SNTG2: variants seen among roughly 807,000 people sequenced by gnomAD.
SNTG2 encodes gamma-2-syntrophin.
A neutral mutation model predicts 70.9 loss-of-function variants in SNTG2; 74 were observed. The ratio of observed to expected loss-of-function variants is 1.04; its 90% CI spans 0.86 to 1.27. The LOEUF is 1.27. Among genes scored for constraint, SNTG2 ranks in the 50% most tolerant of loss-of-function variants. SNTG2 has a pLI of 0.00. For missense variants in SNTG2, 717 were observed against 690.7 expected (o/e 1.04, Z -0.43); for synonymous variants, 278 against 273.8 (o/e 1.02, Z -0.15).
intron 16 of SNTG2, among the ~76,000 whole-genome samples, chr2:1,360,651 CA>C (rs5828813): frequency 4.6e-5 from 7 of 151,044 alleles, no homozygotes; most frequent in South Asian, 4.2e-4. Flanking sequence ...CACAAACAAA[CA>C]AAAAAAAAGT....
chr2:999,313 A>T (rs1349062953), intron 1 of SNTG2, among the ~76,000 whole-genome samples: 1 of 152,116 alleles, frequency 6.6e-6, no homozygotes, highest in Non-Finnish European at 1.5e-5. Flanking sequence ...ACATAAATGG[A>T]TGACATGTTT....
chr2:1,271,199 T>C (rs1348558927), intron 14 of SNTG2, among the ~76,000 whole-genome samples: 1 of 152,136 alleles, frequency 6.6e-6, no homozygotes, highest in Non-Finnish European at 1.5e-5. Flanking sequence ...TAACAGACCT[T>C]CCATGTTCCA....
At chr2:972,196 A>G (rs767091422) in intron 1 of SNTG2, among the ~76,000 whole-genome samples, 1 of 152,096 alleles carries the variant, frequency 6.6e-6, no homozygotes, top group African/African-American at 2.4e-5. Flanking sequence ...ATGTCTCTCT[A>G]GTTTTTGGCC....
chr2:1,229,422 G>A lies in SNTG2; in HGVS notation c.720-8466G>A, dbSNP rs143889322. ...AGCTAGATACAGGGTGCTGATTGGC[G>A]TGTTTACAAACCTTGAGCTAGATAC... On this transcript the variant is annotated intron_variant, in intron 9 of 16. Coordinates refer to ENST00000308624, the MANE Select transcript of SNTG2 (RefSeq NM_018968.4). 4.5e-3 allele frequency among the ~76,000 whole-genome samples: 688 copies of A among 152,288 alleles called. 6 individuals carry two copies. Among genetic ancestry groups the A allele is most frequent in the African/African-American group, 0.016 (655 of 41,566 alleles).
rs193239662 is a variant in SNTG2, at chr2:1,007,837, G to C, written c.72+56769G>C. Reference sequence around the variant, plus strand: ...CACCCAGGCTGGAGTGCAGTGGTGCGATCTCGGCTCACTGCAACCTCCACC... The same window carrying C: ...CACCCAGGCTGGAGTGCAGTGGTGCCATCTCGGCTCACTGCAACCTCCACC... On this transcript the variant is annotated intron_variant, in intron 1 of 16. Coordinates refer to ENST00000308624, the MANE Select transcript of SNTG2 (RefSeq NM_018968.4). Among the ~76,000 whole-genome samples the C allele has an allele frequency of 2.9e-4, 44 of 152,230 alleles. No individual in the cohort carries two copies. The South Asian group carries it at 5.6e-3, about 19-fold the overall frequency.
chr2:1,328,899 G>GCA (rs888165744), intron 16 of SNTG2, among the ~76,000 whole-genome samples: 2 of 128,050 alleles, frequency 1.6e-5, no homozygotes, highest in East Asian at 4.4e-4. Flanking sequence ...ACACATGCAT[G>GCA]CACACACACA....
chr2:1,005,861 AT>A (rs1659554644), intron 1 of SNTG2, among the ~76,000 whole-genome samples: 2 of 24,452 alleles, frequency 8.2e-5, no homozygotes, highest in Non-Finnish European at 1.7e-4. Context: ...ATATATATAT[AT>A]ATATATATAT....
At chr2:1,308,251 A>T (rs1680801669) in intron 14 of SNTG2, among the ~76,000 whole-genome samples, 1 of 152,102 alleles carries the variant, frequency 6.6e-6, no homozygotes, top group South Asian at 2.1e-4. Flanking sequence ...CAATGCCTGT[A>T]AACACTCCCC....
intron 16 of SNTG2, among the ~76,000 whole-genome samples, chr2:1,352,781 G>A (rs1660652968): frequency 6.6e-6 from 1 of 152,108 alleles, no homozygotes; most frequent in Non-Finnish European, 1.5e-5. Flanking sequence ...TTAAATCTCT[G>A]TTTTCTCATT....
At chr2:995,834 A>C (rs1017568939) in intron 1 of SNTG2, among the ~76,000 whole-genome samples, 1 of 152,142 alleles carries the variant, frequency 6.6e-6, no homozygotes, top group Non-Finnish European at 1.5e-5. Context: ...TCCTCTCTAC[A>C]AAGAGCAGCA....
intron 16 of SNTG2, among the ~76,000 whole-genome samples, chr2:1,337,406 T>G (rs527283308): frequency 6.6e-6 from 1 of 152,326 alleles, no homozygotes; most frequent in East Asian, 1.9e-4. Flanking sequence ...AAATGTTATC[T>G]CACTGGAGTT....
At position 1,267,580 on chromosome 2, in the gene SNTG2, A is replaced by G. The variant is rs781014921; in HGVS notation, c.1284+9A>G. Reference sequence around the variant, plus strand: ...AAGTTCAGAGAACCGGGGTAAGTGAACAACTCACACTCTTCTCACCTACAC... The same window carrying G: ...AAGTTCAGAGAACCGGGGTAAGTGAGCAACTCACACTCTTCTCACCTACAC... On this transcript the variant is annotated intron_variant, in intron 14 of 16. Transcript: ENST00000308624. The G allele has an allele frequency of 1.9e-6, 3 of 1,611,512 alleles. No homozygotes were observed. Among genetic ancestry groups the G allele is most frequent in the South Asian group, 2.2e-5 (2 of 90,884 alleles).
At chr2:1,053,385 T>C (rs1212735800) in intron 1 of SNTG2, among the ~76,000 whole-genome samples, 1 of 152,192 alleles carries the variant, frequency 6.6e-6, no homozygotes, top group African/African-American at 2.4e-5. Context: ...TAATAACATA[T>C]AATTTTGTTG....
At chr2:1,321,930 CTCCTTCCT>C (rs897076795) in intron 16 of SNTG2, among the ~76,000 whole-genome samples, 1 of 150,770 alleles carries the variant, frequency 6.6e-6, no homozygotes, top group South Asian at 2.1e-4. Flanking sequence ...CCTTCCTTCT[CTCCTTCCT>C]TCCTTCCTTT....
At chr2:1,221,362 CCT>C (rs373352551) in intron 9 of SNTG2, among the ~76,000 whole-genome samples, 593 of 4,158 alleles carry the variant, frequency 0.14, no homozygotes, top group Non-Finnish European at 0.2. Flanking sequence ...TCTGTCTCTG[CCT>C]CTCTCTGTGT....
intron 14 of SNTG2, 81 bp from the exon 15 acceptor site, chr2:1,308,413 G>A (rs1289995924): frequency 3.2e-6 from 4 of 1,267,460 alleles, no homozygotes; most frequent in Non-Finnish European, 4.5e-6. Context: ...TGACCAAAGG[G>A]GGGTTAATAT....
At chr2:1,245,282 A>T (rs1376944585) in intron 11 of SNTG2, among the ~76,000 whole-genome samples, 7 of 148,712 alleles carry the variant, frequency 4.7e-5, no homozygotes, top group Non-Finnish European at 8.9e-5. Flanking sequence ...AAAAAAAAGG[A>T]AAAAAAAAAG....
At position 1,007,943 on chromosome 2, in the gene SNTG2, C is replaced by T. The variant is rs555613460; in HGVS notation, c.72+56875C>T. 1.7e-4 allele frequency among the ~76,000 whole-genome samples: 26 copies of T among 152,136 alleles called. 1 individual carries two copies. Among genetic ancestry groups the T allele is most frequent in the South Asian group, 6.2e-4 (3 of 4,812 alleles). ...TTAATTTTATAATTTTTAGTAGAGA[C>T]GGGGTTTCACCATCTTGGCCAGGCT... On this transcript the variant is annotated intron_variant, in intron 1 of 16. Coordinates refer to ENST00000308624, the MANE Select transcript of SNTG2 (RefSeq NM_018968.4).
intron 9 of SNTG2, among the ~76,000 whole-genome samples, chr2:1,216,272 T>C (rs561908232): frequency 6.6e-6 from 1 of 152,180 alleles, no homozygotes; most frequent in African/African-American, 2.4e-5. Context: ...TGGTATCTCA[T>C]TGTGGTTTTG....
Sources: allele counts gnomAD v4.1 joint callset (sites outside exome capture counted in the v4.1 genomes callset), GRCh38; gene constraint gnomAD v4.1.1; transcripts MANE v1.5; gene names NCBI Gene and HGNC (gene_info 2026-07-23, HGNC 2026-07-21).